The following NCKAP5L variants were observed in gnomAD, a reference collection of about 807,000 sequenced individuals.
The protein encoded by NCKAP5L is NCK associated protein 5 like.
Under a neutral mutation model 103.2 loss-of-function variants are expected in NCKAP5L, and 54 were observed. The observed-to-expected ratio is 0.52, with a 90% CI of 0.42 to 0.66. NCKAP5L has a LOEUF of 0.66. Among genes scored for constraint, NCKAP5L ranks in the 30% least tolerant of loss-of-function variants. The probability of loss-of-function intolerance (pLI) is 0.00; values close to 1 mark genes in which losing one functional copy is unlikely to be tolerated. For synonymous variants in NCKAP5L, 762 were observed against 748.6 expected, an observed-to-expected ratio of 1.02 and a Z score of -0.29; for missense variants, 1,733 against 1,750.6, an observed-to-expected ratio of 0.99 and a Z score of 0.18.
chr12:49,804,681 A>T (rs753198400), intron 2 of NCKAP5L: 1 of 152,214 alleles, frequency 6.6e-6, no homozygotes, highest in Admixed American at 6.6e-5. Flanking sequence ...TGAACATATG[A>T]AAACCGAGCT....
chr12:49,812,858 A>C (rs1176537975), intron 1 of NCKAP5L, among the ~76,000 whole-genome samples: 2 of 152,198 alleles, frequency 1.3e-5, no homozygotes, highest in African/African-American at 2.4e-5. Context: ...GTCCCTTGCA[A>C]AAACCAAAAT....
chr12:49,792,487 A>C lies in NCKAP5L; in HGVS notation c.3751T>G (p.Cys1251Gly), dbSNP rs1945952338. The change falls in exon 12 of 13, where the codon TGC becomes GGC. Residue 1251 changes from cysteine to glycine, a missense_variant. Transcript: ENST00000335999. The surrounding 1 kb of genome is among the most constrained non-coding windows in gnomAD (Gnocchi z 4.5). ...AAGSSSDPLM[C>G]PPRQLEGLPR... The stretch of plus-strand genomic sequence containing the variant: ...AGCCCCTCCAGTTGTCGGGGTGGGC[A>C]CATGAGAGGGTCCGAGGAGCTGCCG... 6 of 1,613,490 alleles carry C rather than the reference A, an allele frequency of 3.7e-6. No homozygotes were observed. Among genetic ancestry groups the C allele is most frequent in the Non-Finnish European group, 5.1e-6 (6 of 1,179,612 alleles).
chr12:49,794,216 G>A (rs1048206637), intron 8 of NCKAP5L, among the ~76,000 whole-genome samples: 1 of 152,150 alleles, frequency 6.6e-6, no homozygotes, highest in African/African-American at 2.4e-5. Context: ...GTCCATGAAC[G>A]ACACACTCCA....
intron 1 of NCKAP5L, among the ~76,000 whole-genome samples, chr12:49,821,539 G>A (rs534247491): frequency 3.3e-5 from 5 of 152,334 alleles, no homozygotes; most frequent in South Asian, 2.1e-4. Context: ...CTGCAGTCCT[G>A]GCCTGACTCC....
At chr12:49,812,355 T>C (rs1456383743) in intron 1 of NCKAP5L, among the ~76,000 whole-genome samples, 2 of 151,996 alleles carry the variant, frequency 1.3e-5, no homozygotes, top group African/African-American at 4.8e-5. Context: ...GTTGCACGTA[T>C]CAGTAGTCCA....
At chr12:49,823,360 A>G (rs1946381640) in intron 1 of NCKAP5L, among the ~76,000 whole-genome samples, 2 of 152,118 alleles carry the variant, frequency 1.3e-5, no homozygotes, top group Admixed American at 1.3e-4. Context: ...CAGCTCCCCC[A>G]TCAAGCCAGC....
At position 49,803,080 on chromosome 12, in the gene NCKAP5L, A is replaced by G. The variant is rs1946138652; in HGVS notation, c.192+17T>C. On this transcript the variant is annotated intron_variant, in intron 4 of 12. Coordinates refer to ENST00000335999, the MANE Select transcript of NCKAP5L (RefSeq NM_001037806.4). The stretch of plus-strand genomic sequence containing the variant: ...AGATGAGCCACATCCCCCCAGTCCC[A>G]CTACAGACCCACAGACCTCGTCCAG... 1 of 1,614,254 alleles carries G rather than the reference A, an allele frequency of 6.2e-7. No individual in the cohort carries two copies. The highest frequency in any genetic ancestry group is 8.5e-7 in the Non-Finnish European group (1 of 1,180,042).
chr12:49,795,707 T>C lies in NCKAP5L; in HGVS notation c.2153A>G (p.Gln718Arg). 6.2e-7 allele frequency: 1 copy of C among 1,611,066 alleles called. No homozygotes were observed. The highest frequency in any genetic ancestry group is 8.5e-7 in the Non-Finnish European group (1 of 1,178,706). The change falls in exon 8 of 13, where the codon CAG (glutamine) becomes CGG (arginine). Residue 718 changes from glutamine to arginine, a missense_variant. Transcript: ENST00000335999. ...MVPSIHRPLE[Q>R]LEAKGGIRGA... ...CCGTATCCCCCCCTTGGCTTCTAGC[T>C]GCTCCAGTGGCCTGTGGATGGAGGG...
chr12:49,796,928 G>A lies in NCKAP5L; in HGVS notation c.932C>T (p.Ala311Val). Residue 311 changes from alanine (A) to valine (V), a missense_variant, in exon 8 of 13, where the codon GCA becomes GTA. Coordinates refer to ENST00000335999, the MANE Select transcript of NCKAP5L (RefSeq NM_001037806.4). ...SSDEAGDPNE[A>V]PSPDTLLGAL... The stretch of plus-strand genomic sequence containing the variant: ...ACCGAGCAGGGTGTCGGGGCTGGGT[G>A]CCTCATTGGGGTCACCTGCCTCATC... The A allele has an allele frequency of 6.2e-7, 1 of 1,606,990 alleles. No individual in the cohort carries two copies. The highest frequency in any genetic ancestry group is 8.5e-7 in the Non-Finnish European group (1 of 1,177,260).
At position 49,796,507 on chromosome 12, in the gene NCKAP5L, A is replaced by G. The variant is rs571191610; in HGVS notation, c.1353T>C (p.Ser451=). 53 of 1,542,390 alleles carry G rather than the reference A, an allele frequency of 3.4e-5. No homozygotes were observed. Among genetic ancestry groups the G allele is most frequent in the East Asian group, 3.2e-4 (14 of 44,236 alleles). Residue 451 remains serine, a synonymous_variant, in exon 8 of 13, where the codon TCT becomes TCC. Transcript: ENST00000335999. ...PGEAQGPLLP[S]PARGLKFLKL... ...TTAGAAACTTGAGACCCCTAGCTGG[A>G]GAGGGCAGAAGGGGTCCCTGAGCTT...
At chr12:49,798,948 G>A (rs1452482710) in intron 6 of NCKAP5L, among the ~76,000 whole-genome samples, 27 of 152,182 alleles carry the variant, frequency 1.8e-4, no homozygotes, top group Non-Finnish European at 1.5e-5. Flanking sequence ...CTGGTCTCAT[G>A]TGGAACATCT....
At chr12:49,810,458 G>A (rs1946228048) in intron 1 of NCKAP5L, among the ~76,000 whole-genome samples, 1 of 152,220 alleles carries the variant, frequency 6.6e-6, no homozygotes, top group South Asian at 2.1e-4. Context: ...TTCACGCCAA[G>A]TGGTTGTTGT....
intron 1 of NCKAP5L, among the ~76,000 whole-genome samples, chr12:49,826,261 C>G (rs1312804589): frequency 6.6e-6 from 1 of 152,150 alleles, no homozygotes; most frequent in Non-Finnish European, 1.5e-5. Context: ...CAAGTCCCAA[C>G]AGCTGAGACG....
At chr12:49,821,810 T>C (rs996380426) in intron 1 of NCKAP5L, among the ~76,000 whole-genome samples, 4 of 152,238 alleles carry the variant, frequency 2.6e-5, no homozygotes, top group African/African-American at 9.6e-5. Context: ...GCCGCTCATA[T>C]AGCTTGAGAA....
intron 1 of NCKAP5L, among the ~76,000 whole-genome samples, chr12:49,810,327 C>G (rs1019210299): frequency 6.6e-6 from 1 of 152,236 alleles, no homozygotes; most frequent in African/African-American, 2.4e-5. Flanking sequence ...GCCGAGGGTA[C>G]TGGAAACAGC....
intron 2 of NCKAP5L, chr12:49,805,444 T>C (rs572837061): frequency 6.6e-6 from 1 of 152,374 alleles, no homozygotes; most frequent in South Asian, 2.1e-4. Context: ...CCAATTTCTC[T>C]GCTAGAGAAA....
At chr12:49,804,322 G>A (rs1283082839) in intron 2 of NCKAP5L, 1 of 256,444 alleles carries the variant, frequency 3.9e-6, no homozygotes, top group African/African-American at 2.2e-5. Context: ...TCTCTACTGG[G>A]ACTGGCCTCA....
In NCKAP5L at chr12:49,795,044, TTGG is replaced by T; in HGVS notation, c.2813_2815del (p.Thr938del). On this transcript the variant is annotated inframe_deletion, in exon 8 of 13. Transcript: ENST00000335999. ...GCCCCCGCCAGCCCCCTCCTTGTTCTTGGTGGCCTCTGTGCGGCGGTTCAGCGC... is the reference window on the plus strand; with the variant it reads ...GCCCCCGCCAGCCCCCTCCTTGTTCTTGGCCTCTGTGCGGCGGTTCAGCGC... The T allele has an allele frequency of 1.2e-6, 2 of 1,610,406 alleles. No individual in the cohort carries two copies. Among genetic ancestry groups the T allele is most frequent in the Non-Finnish European group, 1.7e-6 (2 of 1,178,520 alleles).
In NCKAP5L at chr12:49,803,930, C is replaced by T. The variant is rs1348449676; in HGVS notation, c.115G>A (p.Glu39Lys). ...CACGCCCCATGCCGCACCTCCAGCT[C>T]CCGCAGTCGGTGCAGAAGCTCCTGG... ...TCQELLHRLR[E>K]LEAENSALAQ... The change falls in exon 3 of 13, where the codon GAG becomes AAG. Residue 39 changes from glutamate to lysine, a missense_variant. Coordinates refer to ENST00000335999, the MANE Select transcript of NCKAP5L (RefSeq NM_001037806.4). 1 of 1,608,088 alleles carries T rather than the reference C, an allele frequency of 6.2e-7. No homozygotes were observed. Among genetic ancestry groups the T allele is most frequent in the Non-Finnish European group, 8.5e-7 (1 of 1,179,878 alleles).
Sources: gnomAD v4.1 joint callset for allele counts (sites outside exome capture counted in the v4.1 genomes callset) on GRCh38, gnomAD v4.1.1 for gene constraint, Gnocchi (gnomAD v3.1) non-coding constraint, MANE v1.5 for transcripts, NCBI Gene and HGNC (gene_info 2026-07-23, HGNC 2026-07-21) for gene names.